HS3ST4: variants seen among roughly 807,000 people sequenced by gnomAD.
HS3ST4 encodes heparan sulfate-glucosamine 3-sulfotransferase 4, also known as heparan sulfate glucosamine 3-O-sulfotransferase 4.
HS3ST4 carries 17 observed loss-of-function variants against 29.2 expected under a neutral mutation model. The observed-to-expected ratio is 0.58, with a 90% CI of 0.40 to 0.87. HS3ST4 has a LOEUF of 0.87. Ranked by LOEUF, HS3ST4 falls within the 40% of genes least tolerant of loss-of-function variation. The probability of loss-of-function intolerance (pLI) is 0.00; values close to 1 mark genes in which losing one functional copy is unlikely to be tolerated. For synonymous variants in HS3ST4, 314 were observed against 285.7 expected (o/e 1.10, Z -1.00); for missense variants, 627 against 634.5 (o/e 0.99, Z 0.13).
intron 1 of HS3ST4, among the ~76,000 whole-genome samples, chr16:25,919,449 A>G (rs1968325419): frequency 6.6e-6 from 1 of 152,198 alleles, no homozygotes; most frequent in African/African-American, 2.4e-5. Context: ...CCTGTTAGAT[A>G]CTCAAATAGA....
chr16:26,120,073 G>GTGTGTA (rs774387887), intron 1 of HS3ST4, among the ~76,000 whole-genome samples: 6,709 of 102,404 alleles, frequency 0.066, 218 homozygotes, highest in Non-Finnish European at 0.098. Flanking sequence ...GTGTGTGTAT[G>GTGTGTA]TGTGTGTGTG....
At chr16:25,794,934 CACACAT>C (rs1428898015) in intron 1 of HS3ST4, among the ~76,000 whole-genome samples, 46 of 126,028 alleles carry the variant, frequency 3.6e-4, no homozygotes, top group African/African-American at 1.2e-3. Context: ...CACACACACA[CACACAT>C]ATATATTCAT....
At chr16:26,044,912 G>A (rs143075022) in intron 1 of HS3ST4, among the ~76,000 whole-genome samples, 262 of 152,276 alleles carry the variant, frequency 1.7e-3, no homozygotes, top group African/African-American at 6.2e-3. Context: ...GGCAGGGAAG[G>A]TAAACTGAGA....
chr16:25,900,252 C>A (rs115306295), intron 1 of HS3ST4, among the ~76,000 whole-genome samples: 5,854 of 152,114 alleles, frequency 0.038, 143 homozygotes, highest in Middle Eastern at 0.061. Context: ...TTCTGTTTCC[C>A]GAGCTTGGAT....
At chr16:25,906,107 G>A (rs775587513) in intron 1 of HS3ST4, among the ~76,000 whole-genome samples, 21 of 152,126 alleles carry the variant, frequency 1.4e-4, no homozygotes, top group Non-Finnish European at 2.1e-4. Context: ...GAGGATTTAC[G>A]TTCATAAATA....
chr16:25,756,670 G>A (rs964425958), intron 1 of HS3ST4, among the ~76,000 whole-genome samples: 5 of 152,100 alleles, frequency 3.3e-5, no homozygotes, highest in South Asian at 4.1e-4. Context: ...ACATCCTTGC[G>A]GTGAAACTGC....
At chr16:25,877,385 A>G (rs1330581395) in intron 1 of HS3ST4, among the ~76,000 whole-genome samples, 2 of 152,194 alleles carry the variant, frequency 1.3e-5, no homozygotes, top group Non-Finnish European at 2.9e-5. Flanking sequence ...ACAGACACAT[A>G]GCAAAGATTT....
In HS3ST4 at chr16:26,074,061, A is replaced by G. The variant is rs185094749; in HGVS notation, c.735-61551A>G. ...GATTATTCTTACCGAATGTGTTGGT[A>G]ATCCCCCTCAGCCTTCCGGTTTCCG... On this transcript the variant is annotated intron_variant, in intron 1 of 1. Coordinates refer to ENST00000331351, the MANE Select transcript of HS3ST4 (RefSeq NM_006040.3). 1.2e-3 allele frequency among the ~76,000 whole-genome samples: 178 copies of G among 152,264 alleles called. 1 individual carries two copies. The highest frequency in any genetic ancestry group is 3.5e-3 in the African/African-American group (145 of 41,544).
chr16:25,893,687 T>A (rs1032749748), intron 1 of HS3ST4, among the ~76,000 whole-genome samples: 4 of 152,184 alleles, frequency 2.6e-5, no homozygotes, highest in African/African-American at 9.7e-5. Flanking sequence ...AGCCTGGAAA[T>A]GGGGGCAGCC....
chr16:26,002,372 C>G (rs577307695), intron 1 of HS3ST4, among the ~76,000 whole-genome samples: 51 of 152,112 alleles, frequency 3.4e-4, no homozygotes, highest in African/African-American at 1.1e-3. Flanking sequence ...GCACCTGAGA[C>G]AATAGATATT....
chr16:25,778,310 C>T (rs888104402), intron 1 of HS3ST4, among the ~76,000 whole-genome samples: 5 of 152,176 alleles, frequency 3.3e-5, no homozygotes, highest in African/African-American at 1.2e-4. Context: ...TAGACTGGCT[C>T]CTGAGTTTGC....
chr16:25,827,615 A>G (rs370202667), intron 1 of HS3ST4, among the ~76,000 whole-genome samples: 3 of 152,118 alleles, frequency 2.0e-5, no homozygotes, highest in African/African-American at 7.2e-5. Context: ...ATTTGGACAT[A>G]AAGTCCCAAA....
intron 1 of HS3ST4, among the ~76,000 whole-genome samples, chr16:26,122,156 C>G (rs1433672247): frequency 7.5e-6 from 1 of 133,788 alleles, no homozygotes; most frequent in Non-Finnish European, 1.5e-5. Flanking sequence ...CCTATGGATA[C>G]TAAACATTGA....
At chr16:25,935,683 T>C (rs1968510881) in intron 1 of HS3ST4, among the ~76,000 whole-genome samples, 1 of 152,224 alleles carries the variant, frequency 6.6e-6, no homozygotes, top group African/African-American at 2.4e-5. Flanking sequence ...TATTCCATTG[T>C]CTGGATGTGA....
intron 1 of HS3ST4, among the ~76,000 whole-genome samples, chr16:25,964,968 C>G (rs1171140961): frequency 6.6e-6 from 1 of 152,060 alleles, no homozygotes; most frequent in Non-Finnish European, 1.5e-5. Context: ...ATAAATACCT[C>G]CTATATGCCA....
At chr16:25,869,635 A>G (rs1235026171) in intron 1 of HS3ST4, among the ~76,000 whole-genome samples, 1 of 152,152 alleles carries the variant, frequency 6.6e-6, no homozygotes, top group Non-Finnish European at 1.5e-5. Flanking sequence ...ACAGAGGGAG[A>G]GGCAGCACTG....
intron 1 of HS3ST4, among the ~76,000 whole-genome samples, chr16:26,133,203 T>C (rs1376478498): frequency 6.6e-6 from 1 of 152,148 alleles, no homozygotes. Context: ...CTGGCTTAAG[T>C]TAAAAAAATT....
intron 1 of HS3ST4, among the ~76,000 whole-genome samples, chr16:25,945,443 C>A (rs1382461910): frequency 6.6e-6 from 1 of 151,622 alleles, no homozygotes; most frequent in Non-Finnish European, 1.5e-5. Context: ...GATGAACGCA[C>A]TGTAGTGAAC....
Position 25,696,426 on chromosome 16 carries a change from G to C in HS3ST4, c.734+3275G>C, listed in dbSNP as rs187408405. On this transcript the variant is annotated intron_variant, in intron 1 of 1. Coordinates refer to ENST00000331351, the MANE Select transcript of HS3ST4 (RefSeq NM_006040.3). ...CTCTCTCATGGTTTGCAGAGCATAC[G>C]GTAACCATGACCACTTTACACTGGA... Among the ~76,000 whole-genome samples the C allele has an allele frequency of 3.3e-5, 5 of 152,210 alleles. No individual in the cohort carries two copies. In the East Asian group the frequency reaches 9.6e-4, roughly 29 times the overall value.
Sources: allele counts gnomAD v4.1 joint callset (sites outside exome capture counted in the v4.1 genomes callset), GRCh38; gene constraint gnomAD v4.1.1; transcripts MANE v1.5; gene names NCBI Gene and HGNC (gene_info 2026-07-23, HGNC 2026-07-21).